IFI16: variants seen among roughly 807,000 people sequenced by gnomAD.
The protein encoded by IFI16 is gamma-interferon-inducible protein 16.
Under a neutral mutation model 68.4 loss-of-function variants are expected in IFI16, and 49 were observed. That is an observed-to-expected ratio of 0.72 (90% confidence interval 0.57 to 0.91). IFI16 has a LOEUF of 0.91. Among genes scored for constraint, IFI16 ranks in the 40% least tolerant of loss-of-function variants. IFI16 has a pLI of 0.00. For synonymous variants in IFI16, 307 were observed against 315.0 expected (o/e 0.97, Z 0.27); for missense variants, 878 against 942.9 (o/e 0.93, Z 0.90).
At chr1:159,003,195 A>G (rs1323376399), upstream of IFI16, among the ~76,000 whole-genome samples, 1 of 152,242 alleles carries the variant, frequency 6.6e-6, no homozygotes, top group Non-Finnish European at 1.5e-5. Flanking sequence ...AACATGGTGT[A>G]TTGCAGGGAA....
At chr1:159,008,201 G>A (rs1378986588), upstream of IFI16, among the ~76,000 whole-genome samples, 1 of 152,112 alleles carries the variant, frequency 6.6e-6, no homozygotes, top group Admixed American at 6.5e-5. Flanking sequence ...ATTTTATTCA[G>A]AATAATGCCT....
rs142597300 is a variant in IFI16, at chr1:159,040,058, A to G, written c.1330-5239A>G. 1.9e-3 allele frequency among the ~76,000 whole-genome samples: 287 copies of G among 152,314 alleles called. 1 individual carries two copies. Among genetic ancestry groups the G allele is most frequent in the African/African-American group, 6.6e-3 (274 of 41,578 alleles). ...AATCCAACTGGGCATATGAATAAAT[A>G]AAATGTATACAAATAGTCACAGCAG... On this transcript the variant is annotated intron_variant, in intron 7 of 11. Coordinates refer to ENST00000295809, the MANE Select transcript of IFI16 (RefSeq NM_001376587.1).
intron 7 of IFI16, among the ~76,000 whole-genome samples, chr1:159,038,709 C>T (rs1347413737): frequency 6.6e-6 from 1 of 152,164 alleles, no homozygotes; most frequent in East Asian, 1.9e-4. Context: ...TAGGGGAAGT[C>T]ACACATGATT....
chr1:159,015,693 G>A (rs1245800503), intron 2 of IFI16, 179 bp from the exon 3 acceptor site: 2 of 574,302 alleles, frequency 3.5e-6, no homozygotes, highest in Non-Finnish European at 6.3e-6. Flanking sequence ...CCTGTCTTGT[G>A]ACTGCTGGTC....
chr1:159,044,242 TAG>T (rs2101906545), intron 7 of IFI16, among the ~76,000 whole-genome samples: 1 of 152,300 alleles, frequency 6.6e-6, no homozygotes, highest in African/African-American at 2.4e-5. Context: ...CAGATAGTAT[TAG>T]AGTCAGGATT....
chr1:159,001,764 C>T (rs1245947258), upstream of IFI16, among the ~76,000 whole-genome samples: 1 of 152,162 alleles, frequency 6.6e-6, no homozygotes, highest in Non-Finnish European at 1.5e-5. Flanking sequence ...AAAATTAAGA[C>T]ACCTTTTATC....
chr1:159,051,945 A>G lies in IFI16; in HGVS notation c.1932A>G (p.Val644=), dbSNP rs754496918. The change falls in exon 10 of 12, where the codon GTA becomes GTG. Residue 644 remains valine (V), a synonymous_variant. Coordinates refer to ENST00000295809, the MANE Select transcript of IFI16 (RefSeq NM_001376587.1). ...TTTGCCGCAATGGGTTCCTGGAGGT[A>G]TATCCTTTCACACTTGTGGCTGATG... ...NYVCRNGFLE[V]YPFTLVADVN... is the part of the protein sequence containing the mutation. 5.0e-6 allele frequency: 8 copies of G among 1,614,012 alleles called. No homozygotes were observed. Among genetic ancestry groups the G allele is most frequent in the Middle Eastern group, 1.6e-4 (1 of 6,084 alleles).
At chr1:159,006,959 A>G (rs2101781505), upstream of IFI16, among the ~76,000 whole-genome samples, 1 of 152,316 alleles carries the variant, frequency 6.6e-6, no homozygotes, top group South Asian at 2.1e-4. Flanking sequence ...ACCTTATCAT[A>G]TAATAATATA....
Position 159,012,594 on chromosome 1 carries a change from A to G in IFI16, c.-20-2067A>G, listed in dbSNP as rs562355192. Among the ~76,000 whole-genome samples, 4 of 152,350 alleles carry G rather than the reference A, an allele frequency of 2.6e-5. No individual in the cohort carries two copies. In the East Asian group the frequency reaches 7.7e-4, roughly 29 times the overall value. On this transcript the variant is annotated intron_variant, in intron 1 of 11. Transcript: ENST00000295809. ...GTGCTCAGTGCCACAAAGAAAAACC[A>G]GCACTTAAACAGGAAATTTCTCAGC...
At chr1:159,026,723 T>C (rs1011130274) in intron 6 of IFI16, among the ~76,000 whole-genome samples, 1 of 152,240 alleles carries the variant, frequency 6.6e-6, no homozygotes, top group Admixed American at 6.5e-5. Context: ...GTCTTTCACC[T>C]CCTTGGTTAG....
At chr1:159,029,493 C>T (rs1485098142) in intron 6 of IFI16, among the ~76,000 whole-genome samples, 1 of 152,090 alleles carries the variant, frequency 6.6e-6, no homozygotes, top group East Asian at 1.9e-4. Flanking sequence ...AGGGTGTTCC[C>T]CGGGTGTTCT....
intron 6 of IFI16, among the ~76,000 whole-genome samples, chr1:159,027,105 G>A (rs1101993): frequency 0.66 from 99,928 of 152,062 alleles, 36,809 homozygotes; most frequent in Admixed American, 0.81. Context: ...TCTTGTTCCA[G>A]TGCTTAGGGG....
In IFI16 at chr1:159,020,291, G is replaced by T. The variant is rs774737229; in HGVS notation, c.973-50G>T. 3.6e-6 allele frequency: 5 copies of T among 1,383,558 alleles called. No individual in the cohort carries two copies. In the South Asian group the frequency reaches 6.0e-5, roughly 17 times the overall value. 85.7% of individuals were successfully genotyped at this position (1,383,558 alleles called of 1,614,324 possible). A position where few individuals can be genotyped will look rare whatever the true frequency, so the allele number is the denominator to read the frequency against. ...TAGAAGGGACTTCAGCCTATATGTG[G>T]TTGTTATTAATTACATTCTCAGGAA... On this transcript the variant is annotated intron_variant, in intron 5 of 11. Coordinates refer to ENST00000295809, the MANE Select transcript of IFI16 (RefSeq NM_001376587.1).
chr1:159,040,560 A>G (rs573563135), intron 7 of IFI16, among the ~76,000 whole-genome samples: 2 of 152,364 alleles, frequency 1.3e-5, no homozygotes, highest in Non-Finnish European at 1.5e-5. Flanking sequence ...ATAAGATTCC[A>G]TTAATACATG....
At chr1:159,006,954 A>C (rs1225640399), upstream of IFI16, among the ~76,000 whole-genome samples, 3 of 152,228 alleles carry the variant, frequency 2.0e-5, no homozygotes, top group African/African-American at 7.2e-5. Flanking sequence ...CCTTTACCTT[A>C]TCATATAATA....
chr1:159,008,223 ATTTAGTCACT>A (rs1387969385), upstream of IFI16, among the ~76,000 whole-genome samples: 3 of 152,214 alleles, frequency 2.0e-5, no homozygotes, highest in Non-Finnish European at 4.4e-5. Flanking sequence ...ATTAATATAA[ATTTAGTCACT>A]GTAATAATGT....
intron 7 of IFI16, among the ~76,000 whole-genome samples, chr1:159,043,296 A>G (rs1359603121): frequency 2.6e-5 from 4 of 152,278 alleles, no homozygotes; most frequent in African/African-American, 9.6e-5. Context: ...TACTGCAATG[A>G]CATACATAGA....
intron 7 of IFI16, among the ~76,000 whole-genome samples, chr1:159,042,931 A>G (rs948689646): frequency 3.9e-5 from 6 of 152,194 alleles, no homozygotes; most frequent in Admixed American, 1.3e-4. Context: ...TGGGCAGGGA[A>G]ATACTGACCC....
At chr1:159,052,284 T>C in intron 10 of IFI16, 186 bp downstream of exon 10, 1 of 581,840 alleles carries the variant, frequency 1.7e-6, no homozygotes, top group East Asian at 2.8e-5. Flanking sequence ...ATTGTAACAT[T>C]CCTCTTCTTA....
Sources: gnomAD v4.1 joint callset for allele counts (sites outside exome capture counted in the v4.1 genomes callset) on GRCh38, gnomAD v4.1.1 for gene constraint, MANE v1.5 for transcripts, NCBI Gene and HGNC (gene_info 2026-07-23, HGNC 2026-07-21) for gene names.